The following APBB2 variants were observed in gnomAD, a reference collection of about 807,000 sequenced individuals.
APBB2 encodes Fe65-like 1.
Under a neutral mutation model 82.5 loss-of-function variants are expected in APBB2, and 38 were observed. The observed-to-expected ratio is 0.46, with a 90% CI of 0.36 to 0.60. APBB2 has a LOEUF of 0.60. Ranked by LOEUF, APBB2 falls within the 20% of genes least tolerant of loss-of-function variation. The pLI is 0.00. For synonymous variants in APBB2, 341 were observed against 368.2 expected (o/e 0.93, Z 0.85); for missense variants, 772 against 972.3 (o/e 0.79, Z 2.74).
At chr4:40,828,253 GCTTTA>G (rs1750631512) in intron 13 of APBB2, among the ~76,000 whole-genome samples, 1 of 152,134 alleles carries the variant, frequency 6.6e-6, no homozygotes, top group African/African-American at 2.4e-5. Flanking sequence ...ACTGATGTCT[GCTTTA>G]CTTAAGAGTA....
At chr4:40,863,719 C>T (rs542866799) in intron 12 of APBB2, among the ~76,000 whole-genome samples, 2 of 151,610 alleles carry the variant, frequency 1.3e-5, no homozygotes, top group East Asian at 3.9e-4. Context: ...ATGGTGAAAC[C>T]CTGTTTCTAC....
At position 41,213,152 on chromosome 4, in the gene APBB2, TG is replaced by T. The variant is rs370683932; in HGVS notation, c.-417+1252del. 3.4e-3 allele frequency among the ~76,000 whole-genome samples: 520 copies of T among 152,122 alleles called. 1 individual carries two copies. Among genetic ancestry groups the T allele is most frequent in the African/African-American group, 0.012 (506 of 41,506 alleles). Reference sequence around the variant, plus strand: ...CAACAGATCAAACTGCCATTGTGTTTGTTTTTTTTAAATCAGTGAAATATTA... The same window carrying T: ...CAACAGATCAAACTGCCATTGTGTTTTTTTTTTTAAATCAGTGAAATATTA... On this transcript the variant is annotated intron_variant, in intron 1 of 17. Coordinates refer to ENST00000508593, the MANE Select transcript of APBB2 (RefSeq NM_004307.2).
At chr4:41,009,307 G>GCA (rs1311478374) in intron 6 of APBB2, among the ~76,000 whole-genome samples, 25 of 149,562 alleles carry the variant, frequency 1.7e-4, no homozygotes, top group Non-Finnish European at 1.0e-4. Context: ...CAGGGCCAAG[G>GCA]CACTCTTTAA....
At chr4:41,025,196 A>G (rs6821155) in intron 5 of APBB2, among the ~76,000 whole-genome samples, 6,975 of 152,256 alleles carry the variant, frequency 0.046, 342 homozygotes, top group African/African-American at 0.12. Flanking sequence ...ACAGGAGAAA[A>G]ACAAACCCAT....
intron 6 of APBB2, among the ~76,000 whole-genome samples, chr4:40,968,714 CT>C (rs1795258473): frequency 6.6e-6 from 1 of 152,114 alleles, no homozygotes; most frequent in Non-Finnish European, 1.5e-5. Flanking sequence ...GTTTTTCTAT[CT>C]GACACTAAAA....
chr4:41,135,252 G>T (rs1757236969), intron 2 of APBB2, among the ~76,000 whole-genome samples: 1 of 151,328 alleles, frequency 6.6e-6, no homozygotes, highest in African/African-American at 2.4e-5. Context: ...TCCTCAAAGG[G>T]CCTCAGATGC....
intron 5 of APBB2, among the ~76,000 whole-genome samples, chr4:41,026,760 T>C (rs955471243): frequency 2.0e-5 from 3 of 152,358 alleles, no homozygotes; most frequent in South Asian, 4.1e-4. Context: ...TTTCAGTTTT[T>C]AGCTATTATG....
chr4:41,113,128 T>C (rs1749795481), intron 2 of APBB2, among the ~76,000 whole-genome samples: 1 of 152,214 alleles, frequency 6.6e-6, no homozygotes, highest in African/African-American at 2.4e-5. Context: ...AAAGCAAGCA[T>C]ATGCTGAGTT....
At chr4:41,088,082 C>A (rs1012625794) in intron 3 of APBB2, among the ~76,000 whole-genome samples, 3 of 152,120 alleles carry the variant, frequency 2.0e-5, no homozygotes, top group African/African-American at 7.2e-5. Context: ...TCGTGATTGA[C>A]AAGGACCTTA....
chr4:40,970,964 C>T (rs1795797375), intron 6 of APBB2, among the ~76,000 whole-genome samples: 1 of 152,148 alleles, frequency 6.6e-6, no homozygotes, highest in African/African-American at 2.4e-5. Flanking sequence ...CTCCAAGGTC[C>T]AATAACTAAA....
chr4:40,981,301 G>T (rs142698999), intron 6 of APBB2, among the ~76,000 whole-genome samples: 233 of 152,114 alleles, frequency 1.5e-3, no homozygotes, highest in African/African-American at 5.3e-3. Flanking sequence ...TACTTGGGAG[G>T]CTGAGGCAAG....
At chr4:40,928,282 C>T (rs1783140685) in intron 10 of APBB2, among the ~76,000 whole-genome samples, 1 of 152,172 alleles carries the variant, frequency 6.6e-6, no homozygotes, top group African/African-American at 2.4e-5. Flanking sequence ...GTGGCTCATG[C>T]CTGTAATCCC....
chr4:41,004,633 G>A (rs1422578363), intron 6 of APBB2, among the ~76,000 whole-genome samples: 2 of 151,394 alleles, frequency 1.3e-5, no homozygotes, highest in African/African-American at 4.9e-5. Context: ...TCAGGAGATC[G>A]AGACCATCCT....
chr4:40,977,092 T>C (rs114763848), intron 6 of APBB2, among the ~76,000 whole-genome samples: 160 of 152,188 alleles, frequency 1.1e-3, no homozygotes, highest in African/African-American at 3.8e-3. Flanking sequence ...GAAATGGTTA[T>C]TACTGATACA....
intron 15 of APBB2, among the ~76,000 whole-genome samples, chr4:40,825,457 T>C (rs1321958889): frequency 6.6e-6 from 1 of 152,246 alleles, no homozygotes; most frequent in Non-Finnish European, 1.5e-5. Flanking sequence ...GTGAGCTGAA[T>C]GCTGTGTGTG....
intron 10 of APBB2, among the ~76,000 whole-genome samples, chr4:40,916,722 G>A (rs1454503752): frequency 2.0e-5 from 3 of 152,184 alleles, no homozygotes; most frequent in African/African-American, 7.2e-5. Context: ...GAGCGAGCAT[G>A]ACTGACCGAC....
chr4:40,958,377 A>C (rs1792228566), intron 6 of APBB2, among the ~76,000 whole-genome samples: 1 of 152,306 alleles, frequency 6.6e-6, no homozygotes, highest in East Asian at 1.9e-4. Context: ...CCTTCCAAAA[A>C]AGCTTAATAA....
intron 7 of APBB2, among the ~76,000 whole-genome samples, chr4:40,939,542 G>C (rs1786297636): frequency 6.6e-6 from 1 of 152,166 alleles, no homozygotes; most frequent in Admixed American, 6.5e-5. Flanking sequence ...AGAAAACCTG[G>C]AATTCCAAGG....
intron 10 of APBB2, among the ~76,000 whole-genome samples, chr4:40,912,682 C>G (rs946010093): frequency 5.3e-5 from 8 of 151,934 alleles, no homozygotes; most frequent in African/African-American, 1.9e-4. Context: ...ACACGTTACA[C>G]AAAAGGGAAC....
Sources: gnomAD v4.1 joint callset for allele counts (sites outside exome capture counted in the v4.1 genomes callset) on GRCh38, gnomAD v4.1.1 for gene constraint, MANE v1.5 for transcripts, NCBI Gene and HGNC (gene_info 2026-07-23, HGNC 2026-07-21) for gene names.